The following MFAP1 variants were observed in gnomAD, a reference collection of about 807,000 sequenced individuals.
The protein encoded by MFAP1 is microfibrillar-associated protein 1.
MFAP1 carries 18 observed loss-of-function variants against 62.2 expected under a neutral mutation model. That is an observed-to-expected ratio of 0.29 (90% CI 0.20 to 0.43). MFAP1 has a LOEUF of 0.43. Among genes scored for constraint, MFAP1 ranks in the 20% least tolerant of loss-of-function variants. MFAP1 has a pLI of 1.00. For missense variants in MFAP1, 355 were observed against 559.7 expected (o/e 0.63, Z 3.69); for synonymous variants, 175 against 180.4 (o/e 0.97, Z 0.24).
intron 7 of MFAP1, among the ~76,000 whole-genome samples, chr15:43,808,165 A>C (rs1279169125): frequency 6.6e-6 from 1 of 152,238 alleles, no homozygotes; most frequent in East Asian, 1.9e-4. Flanking sequence ...ACATATGCTG[A>C]AGGAATTAAA....
At position 43,824,667 on chromosome 15, in the gene MFAP1, C is replaced by A; in HGVS notation, c.-98G>T. On this transcript the variant is annotated 5_prime_UTR_variant, in exon 1 of 9. Transcript: ENST00000267812. ...AGAAGAAATTCCTTCCACCTGAGTCCGCGAACACAGCTGCGCGACTGATAG... is the reference window on the plus strand; with the variant it reads ...AGAAGAAATTCCTTCCACCTGAGTCAGCGAACACAGCTGCGCGACTGATAG... 3 of 1,242,828 alleles carry A rather than the reference C, an allele frequency of 2.4e-6. No homozygotes were observed. Among genetic ancestry groups the A allele is most frequent in the East Asian group, 2.4e-5 (1 of 41,840 alleles). 77.0% of individuals were successfully genotyped at this position (1,242,828 alleles called of 1,614,324 possible).
intron 7 of MFAP1, among the ~76,000 whole-genome samples, chr15:43,807,417 C>T (rs548767196): frequency 4.5e-4 from 68 of 150,590 alleles, no homozygotes; most frequent in African/African-American, 1.3e-3. Context: ...GGCGTGATCT[C>T]GGCTCACTGC....
At chr15:43,806,562 A>G (rs975437133) in intron 7 of MFAP1, among the ~76,000 whole-genome samples, 1 of 152,194 alleles carries the variant, frequency 6.6e-6, no homozygotes, top group Non-Finnish European at 1.5e-5. Context: ...AAAAACTTCA[A>G]TGGTTGTCTA....
At chr15:43,824,403 T>G (rs1596060463) in intron 1 of MFAP1, 88 bp downstream of exon 1, 8 of 1,278,512 alleles carry the variant, frequency 6.3e-6, no homozygotes, top group South Asian at 1.4e-5. Context: ...GCTGGCGGGG[T>G]TGGAGTGGTC....
intron 1 of MFAP1, among the ~76,000 whole-genome samples, chr15:43,818,395 C>G (rs1384054421): frequency 6.6e-6 from 1 of 151,330 alleles, no homozygotes; most frequent in Non-Finnish European, 1.5e-5. Flanking sequence ...CCTTGATAAC[C>G]AAATTGGACA....
intron 2 of MFAP1, among the ~76,000 whole-genome samples, chr15:43,816,858 G>A (rs1260745082): frequency 2.0e-5 from 3 of 152,150 alleles, no homozygotes; most frequent in Non-Finnish European, 2.9e-5. Context: ...ATAAGTAGAT[G>A]TATAAAATCA....
In MFAP1 at chr15:43,824,465, C is replaced by T. The variant is rs369221361; in HGVS notation, c.79+26G>A. The T allele has an allele frequency of 8.7e-6, 14 of 1,612,384 alleles. No homozygotes were observed. The African/African-American group carries it at 1.7e-4, about 20-fold the overall frequency. On this transcript the variant is annotated intron_variant, in intron 1 of 8. Transcript: ENST00000267812. ...GGGGCCGGAAGGGGTTAAAATTCGA[C>T]TGGGAAGAGGGTGTTAGCACCGTAC... is the stretch of plus-strand genomic sequence containing the variant.
chr15:43,809,875 G>A lies in MFAP1; in HGVS notation c.927C>T (p.Asn309=), dbSNP rs986575536. ...CAGCTCTCCTCTCTTCCTCAGTCAG[G>A]TTTCGCATGCGTTCAATTTCTGCTT... is the stretch of plus-strand genomic sequence containing the variant. ...KEKAEIERMR[N]LTEEERRAEL... The change falls in exon 7 of 9, where the codon AAC becomes AAT. Residue 309 remains asparagine (N), a synonymous_variant. Transcript: ENST00000267812. 1 of 1,614,122 alleles carries A rather than the reference G, an allele frequency of 6.2e-7. No individual in the cohort carries two copies. Among genetic ancestry groups the A allele is most frequent in the East Asian group, 2.2e-5 (1 of 44,880 alleles).
rs761905797 is a variant in MFAP1, at chr15:43,805,421, G to T, written c.1092C>A (p.Thr364=). Residue 364 remains threonine (T), a synonymous_variant, in exon 8 of 9, where the codon ACC becomes ACA. Coordinates refer to ENST00000267812, the MANE Select transcript of MFAP1 (RefSeq NM_005926.3). ...EVYKRDFSAP[T]LEDHFNKTIL... is the part of the protein sequence containing the mutation. ...TGGTTTTATTGAAATGATCCTCCAGGGTAGGAGCGCTGAAATCTCTCTTGT... is the reference window on the plus strand; with the variant it reads ...TGGTTTTATTGAAATGATCCTCCAGTGTAGGAGCGCTGAAATCTCTCTTGT... 2.5e-6 allele frequency: 4 copies of T among 1,613,494 alleles called. No homozygotes were observed. The highest frequency in any genetic ancestry group is 3.4e-6 in the Non-Finnish European group (4 of 1,179,884).
intron 1 of MFAP1, among the ~76,000 whole-genome samples, chr15:43,821,797 A>C (rs1205510209): frequency 6.6e-6 from 1 of 152,192 alleles, no homozygotes; most frequent in Non-Finnish European, 1.5e-5. Context: ...AATATATACA[A>C]ACACTCAGAA....
At chr15:43,814,888 C>T in intron 3 of MFAP1, 57 bp downstream of exon 3, 3 of 1,601,888 alleles carry the variant, frequency 1.9e-6, no homozygotes, top group Non-Finnish European at 2.6e-6. Context: ...CAAATGAGCA[C>T]TGGCATGAAC....
chr15:43,806,090 T>C (rs1004636864), intron 7 of MFAP1, among the ~76,000 whole-genome samples: 107 of 152,166 alleles, frequency 7.0e-4, no homozygotes, highest in African/African-American at 2.4e-3. Flanking sequence ...CCTGAGTGGC[T>C]GGGACTACAG....
intron 1 of MFAP1, among the ~76,000 whole-genome samples, chr15:43,818,829 G>T (rs573879009): frequency 2.0e-5 from 3 of 152,066 alleles, no homozygotes; most frequent in African/African-American, 7.2e-5. Flanking sequence ...TTGAGGCTGC[G>T]GCAAGCCATG....
At chr15:43,822,610 G>A (rs2087473233) in intron 1 of MFAP1, among the ~76,000 whole-genome samples, 1 of 152,102 alleles carries the variant, frequency 6.6e-6, no homozygotes, top group African/African-American at 2.4e-5. Flanking sequence ...CTGACCTCAG[G>A]TGATCCACCC....
At chr15:43,811,342 G>C (rs1331421900) in intron 6 of MFAP1, among the ~76,000 whole-genome samples, 1 of 149,868 alleles carries the variant, frequency 6.7e-6, no homozygotes, top group African/African-American at 2.4e-5. Context: ...TTGACTCCCA[G>C]GGGGTGGAGG....
chr15:43,805,131 A>G lies in MFAP1; in HGVS notation c.1283T>C (p.Phe428Ser). 6.3e-7 allele frequency: 1 copy of G among 1,595,652 alleles called. No homozygotes were observed. The highest frequency in any genetic ancestry group is 8.6e-7 in the Non-Finnish European group (1 of 1,164,672). The change falls in exon 9 of 9, where the codon TTT (phenylalanine) becomes TCT (serine). Residue 428 changes from phenylalanine to serine, a missense_variant. Around this residue, in one of 6 missense-constraint regions of MFAP1, gnomAD observed 44 missense variants for 80.8 expected, o/e 0.54. Transcript: ENST00000267812. ...CCGCTTCTTGGCAGATGGCCGCTCA[A>G]ATACATCTCGTACCCCAGCTGCCTT... ...KQKAAGVRDV[F>S]ERPSAKKRKT...
intron 7 of MFAP1, among the ~76,000 whole-genome samples, chr15:43,809,072 G>C (rs1376007125): frequency 6.6e-6 from 1 of 152,086 alleles, no homozygotes; most frequent in African/African-American, 2.4e-5. Context: ...GCAGAGTTTG[G>C]TTTTCACATA....
At chr15:43,811,696 T>C (rs927899029) in intron 6 of MFAP1, among the ~76,000 whole-genome samples, 1 of 151,656 alleles carries the variant, frequency 6.6e-6, no homozygotes, top group Non-Finnish European at 1.5e-5. Context: ...TTAGTAGAGA[T>C]AGGTTTTCAC....
At position 43,816,250 on chromosome 15, in the gene MFAP1, C is replaced by CTT. The variant is rs71299553; in HGVS notation, c.299+977_299+978dup. On this transcript the variant is annotated intron_variant, in intron 2 of 8. Transcript: ENST00000267812. ...TTTATTTTTTTTTCTTTTTTCTTTT[C>CTT]TTTTTTTTTTTTTGAGATGGAGTCT... Among the ~76,000 whole-genome samples, 185 of 135,674 alleles carry CTT rather than the reference C, an allele frequency of 1.4e-3. 1 individual carries two copies. The highest frequency in any genetic ancestry group is 7.6e-3 in the Middle Eastern group (2 of 262). 89.0% of individuals were successfully genotyped at this position (135,674 alleles called of 152,430 possible). A position where few individuals can be genotyped will look rare whatever the true frequency, so the allele number is the denominator to read the frequency against.
Sources: gnomAD v4.1 joint callset for allele counts (sites outside exome capture counted in the v4.1 genomes callset) on GRCh38, gnomAD v4.1.1 for gene constraint, gnomAD v4.1.1 regional missense constraint, MANE v1.5 for transcripts, NCBI Gene and HGNC (gene_info 2026-07-23, HGNC 2026-07-21) for gene names.